PTRH2: variants seen among roughly 807,000 people sequenced by gnomAD.
The protein encoded by PTRH2 is peptidyl-tRNA hydrolase 2.
Under a neutral mutation model 12.3 loss-of-function variants are expected in PTRH2, and 10 were observed. The ratio of observed to expected loss-of-function variants is 0.81; its 90% confidence interval spans 0.50 to 1.38. The LOEUF (loss-of-function observed/expected upper bound fraction) is 1.38. Among genes scored for constraint, PTRH2 ranks in the 40% most tolerant of loss-of-function variants. PTRH2 has a pLI of 0.00. For synonymous variants in PTRH2, 73 were observed against 77.4 expected, an observed-to-expected ratio of 0.94 and a Z score of 0.30; for missense variants, 176 against 214.1, an observed-to-expected ratio of 0.82 and a Z score of 1.11.
intron 1 of PTRH2, chr17:59,701,067 T>C (rs947728182): frequency 3.3e-5 from 5 of 152,272 alleles, no homozygotes; most frequent in African/African-American, 9.6e-5. Flanking sequence ...CTAAAACTAC[T>C]AATCACTTCC....
At chr17:59,706,468 G>A (rs566936151) in intron 1 of PTRH2, among the ~76,000 whole-genome samples, 1 of 152,070 alleles carries the variant, frequency 6.6e-6, no homozygotes, top group South Asian at 2.1e-4. Flanking sequence ...TTGGATTACA[G>A]GCTGAGCCAC....
chr17:59,701,791 C>T (rs1489993593), intron 1 of PTRH2, among the ~76,000 whole-genome samples: 3 of 151,982 alleles, frequency 2.0e-5, no homozygotes, highest in African/African-American at 4.8e-5. Flanking sequence ...CTGCCAGCTC[C>T]GCCTCCCGGG....
At chr17:59,707,030 C>A (rs2033690849) in intron 1 of PTRH2, among the ~76,000 whole-genome samples, 1 of 152,156 alleles carries the variant, frequency 6.6e-6, no homozygotes, top group Non-Finnish European at 1.5e-5. Flanking sequence ...CTCGACAGCT[C>A]GAAACGCTGG....
intron 1 of PTRH2, among the ~76,000 whole-genome samples, chr17:59,701,798 C>T (rs1318367765): frequency 1.3e-5 from 2 of 151,976 alleles, no homozygotes; most frequent in Non-Finnish European, 2.9e-5. Flanking sequence ...CTCCGCCTCC[C>T]GGGTTCATGC....
chr17:59,698,799 T>C, intron 1 of PTRH2: 2 of 695,400 alleles, frequency 2.9e-6, no homozygotes, highest in Non-Finnish European at 5.3e-6. Context: ...GGCTCTTTTA[T>C]AATAGTGTTG....
In PTRH2 at chr17:59,697,849, T is replaced by G; in HGVS notation, c.130A>C (p.Lys44Gln). 6.2e-7 allele frequency: 1 copy of G among 1,614,214 alleles called. No individual in the cohort carries two copies. The highest frequency in any genetic ancestry group is 8.5e-7 in the Non-Finnish European group (1 of 1,180,030). ...RVCFGMLPKS[K>Q]TSKTHTDTES... ...GTATCTGTGTGTGTCTTGCTCGTCT[T>G]GCTTTTGGGGAGCATCCCAAAGCAT... is the stretch of plus-strand genomic sequence containing the variant. Residue 44 changes from lysine (K) to glutamine (Q), a missense_variant, in exon 2 of 2, where the codon AAG becomes CAG. Transcript: ENST00000393038.
intron 1 of PTRH2, chr17:59,698,853 G>T: frequency 1.4e-6 from 1 of 715,308 alleles, no homozygotes; most frequent in South Asian, 1.5e-5. Context: ...GGAAAACAAT[G>T]GTTGTATGGG....
Position 59,697,360 on chromosome 17 carries a change from G to A in PTRH2, c.*79C>T. The A allele has an allele frequency of 3.5e-6, 5 of 1,445,942 alleles. No individual in the cohort carries two copies. The highest frequency in any genetic ancestry group is 3.7e-6 in the Non-Finnish European group (4 of 1,069,302). 89.6% of individuals were successfully genotyped at this position (1,445,942 alleles called of 1,614,324 possible). ...CTCAAGAACATTTAAGTTGGGTGAAGAAATTCAGCTTTTGTTGTTAGAATC... is the reference window on the plus strand; with the variant it reads ...CTCAAGAACATTTAAGTTGGGTGAAAAAATTCAGCTTTTGTTGTTAGAATC... On this transcript the variant is annotated 3_prime_UTR_variant, in exon 2 of 2. Coordinates refer to ENST00000393038, the MANE Select transcript of PTRH2 (RefSeq NM_016077.5).
chr17:59,706,586 G>A (rs1378872531), intron 1 of PTRH2, among the ~76,000 whole-genome samples: 2 of 151,966 alleles, frequency 1.3e-5, no homozygotes, highest in Non-Finnish European at 2.9e-5. Flanking sequence ...TATTCCCAGA[G>A]TCTAGTATGG....
rs539297924 is a variant in PTRH2, at chr17:59,702,486, CTT to C, written c.1-4510_1-4509del. ...GGAGTGGCTGCAAATACAGATAAAA[CTT>C]CACTCAGTTGCCCACCACTCACCTC... On this transcript the variant is annotated intron_variant, in intron 1 of 1. Transcript: ENST00000393038. Among the ~76,000 whole-genome samples the C allele has an allele frequency of 8.7e-4, 133 of 152,266 alleles. 3 individuals carry two copies. The South Asian group carries it at 0.027, about 31-fold the overall frequency.
At chr17:59,698,585 T>C (rs2033494620) in intron 1 of PTRH2, 1 of 322,872 alleles carries the variant, frequency 3.1e-6, no homozygotes, top group Admixed American at 4.5e-5. Flanking sequence ...GAACACAAAA[T>C]ATTTTTTGCA....
Position 59,703,155 on chromosome 17 carries a change from C to T in PTRH2, c.-1+4216G>A, listed in dbSNP as rs142770126. 3.2e-3 allele frequency among the ~76,000 whole-genome samples: 483 copies of T among 152,180 alleles called. 2 individuals are homozygous for T. Among genetic ancestry groups the T allele is most frequent in the African/African-American group, 0.011 (466 of 41,524 alleles). On this transcript the variant is annotated intron_variant, in intron 1 of 1. Coordinates refer to ENST00000393038, the MANE Select transcript of PTRH2 (RefSeq NM_016077.5). ...TCAACCTCCCCAGTAGCTGGGACTA[C>T]AAGCACATACCACCACACACTGCTA...
intron 1 of PTRH2, among the ~76,000 whole-genome samples, chr17:59,702,455 C>T (rs936606558): frequency 3.9e-5 from 6 of 152,160 alleles, no homozygotes; most frequent in Non-Finnish European, 8.8e-5. Context: ...GTAATGTTAG[C>T]GATGGGGAGT....
chr17:59,698,710 A>G lies in PTRH2; in HGVS notation c.1-732T>C, dbSNP rs540627881. 42 of 578,090 alleles carry G rather than the reference A, an allele frequency of 7.3e-5. No individual in the cohort carries two copies. The South Asian group carries it at 8.7e-4, about 12-fold the overall frequency. 35.8% of individuals were successfully genotyped at this position (578,090 alleles called of 1,614,324 possible). A position where few individuals can be genotyped will look rare whatever the true frequency, so the allele number is the denominator to read the frequency against. On this transcript the variant is annotated intron_variant, in intron 1 of 1. Transcript: ENST00000393038. The stretch of plus-strand genomic sequence containing the variant: ...GCATTTAATACACCTACAGAATATC[A>G]TGACTTAGCCTAGCCTACCTTAAAT...
chr17:59,698,674 A>G, intron 1 of PTRH2: 1 of 539,558 alleles, frequency 1.9e-6, no homozygotes, highest in Non-Finnish European at 3.3e-6. Context: ...AAAATACTGT[A>G]AGCCAAAAAT....
intron 1 of PTRH2, among the ~76,000 whole-genome samples, chr17:59,704,382 G>T (rs1032165987): frequency 5.3e-5 from 8 of 152,066 alleles, no homozygotes; most frequent in Admixed American, 5.2e-4. Flanking sequence ...ACATCTCAGA[G>T]ATATCTAGAA....
intron 1 of PTRH2, among the ~76,000 whole-genome samples, chr17:59,703,305 A>G (rs1050387245): frequency 6.6e-6 from 1 of 151,920 alleles, no homozygotes; most frequent in Admixed American, 6.6e-5. Context: ...ATTTACAGGC[A>G]TGAGCCACTG....
chr17:59,704,059 C>T (rs764605439), intron 1 of PTRH2, among the ~76,000 whole-genome samples: 11 of 151,856 alleles, frequency 7.2e-5, no homozygotes, highest in Non-Finnish European at 1.5e-4. Context: ...CCACCCACCT[C>T]GACCTCCCAA....
chr17:59,698,347 G>C (rs374201711), intron 1 of PTRH2: 1 of 256,544 alleles, frequency 3.9e-6, no homozygotes, highest in Admixed American at 5.0e-5. Context: ...AGTGCTAATC[G>C]GTGTTTTCAC....
Sources: allele counts gnomAD v4.1 joint callset (sites outside exome capture counted in the v4.1 genomes callset), GRCh38; gene constraint gnomAD v4.1.1; transcripts MANE v1.5; gene names NCBI Gene and HGNC (gene_info 2026-07-23, HGNC 2026-07-21).